ELL: variants seen among roughly 807,000 people sequenced by gnomAD.
The protein encoded by ELL is RNA polymerase II elongation factor ELL.
In ELL, 18 loss-of-function variants were observed where a neutral mutation model predicts 64.0. The ratio of observed to expected loss-of-function variants is 0.28; its 90% CI spans 0.19 to 0.42. The LOEUF (loss-of-function observed/expected upper bound fraction) is 0.42, where lower values mean the gene tolerates loss of function less well. ELL is among the 10% of genes least tolerant of loss of function. The pLI, the probability that ELL is intolerant of heterozygous loss-of-function variation, is 1.00. For synonymous variants in ELL, 399 were observed against 376.2 expected, an observed-to-expected ratio of 1.06 and a Z score of -0.70; for missense variants, 797 against 870.4, an observed-to-expected ratio of 0.92 and a Z score of 1.06.
Position 18,450,954 on chromosome 19 carries a change from A to T in ELL, c.988T>A (p.Phe330Ile). The T allele has an allele frequency of 1.3e-6, 2 of 1,526,408 alleles. No homozygotes were observed. Among genetic ancestry groups the T allele is most frequent in the Non-Finnish European group, 1.8e-6 (2 of 1,137,042 alleles). 94.6% of individuals were successfully genotyped at this position (1,526,408 alleles called of 1,614,324 possible). A position where few individuals can be genotyped will look rare whatever the true frequency, so the allele number is the denominator to read the frequency against. Residue 330 changes from phenylalanine to isoleucine, a missense_variant, in exon 8 of 12, where the codon TTC (phenylalanine) becomes ATC (isoleucine). Phe to Ile is a conservative substitution (Grantham distance 21). Transcript: ENST00000262809. ...TTCTTGTTGGCTAGGGGGTCGATGA[A>T]ATCAGGAGGCTGCAGCCGCTTCTGG... ...PPQKRLQPPD[F>I]IDPLANKKPR...
Position 18,465,810 on chromosome 19 carries a change from G to T in ELL, c.292C>A (p.Gln98Lys). 7.2e-7 allele frequency: 1 copy of T among 1,380,478 alleles called. No individual in the cohort carries two copies. The allele number at this position is 1,380,478 out of a possible 1,614,324, so 85.5% of individuals were successfully genotyped here. A position where few individuals can be genotyped will look rare whatever the true frequency, so the allele number is the denominator to read the frequency against. ...GCGGCGCCTCACCTGGAGACATACT[G>T]CTGGATGCAGTCGAAGCTGCCCTGG... is the stretch of plus-strand genomic sequence containing the variant. Reference protein sequence around the residue: ...NPQGSFDCIQQYVSSHGEVHL... With the variant: ...NPQGSFDCIQKYVSSHGEVHL... The change falls in exon 3 of 12, where the codon CAG becomes AAG. Residue 98 changes from glutamine to lysine, a missense_variant. By Grantham distance (53) the Gln-to-Lys change is moderately conservative. Transcript: ENST00000262809.
intron 1 of ELL, among the ~76,000 whole-genome samples, chr19:18,518,421 T>C (rs557224985): frequency 7.6e-4 from 114 of 150,770 alleles, no homozygotes; most frequent in African/African-American, 2.4e-3. Context: ...GGGTGGTAGT[T>C]CGAGGCTGCA....
chr19:18,473,485 A>T (rs1440011017), intron 1 of ELL, among the ~76,000 whole-genome samples: 1 of 152,228 alleles, frequency 6.6e-6, no homozygotes, highest in Non-Finnish European at 1.5e-5. Flanking sequence ...CTGGGGTGGG[A>T]GCCTGAGGCC....
At chr19:18,521,083 G>A (rs980966770) in intron 1 of ELL, among the ~76,000 whole-genome samples, 57 of 152,074 alleles carry the variant, frequency 3.7e-4, no homozygotes, top group African/African-American at 1.2e-3. Flanking sequence ...CCCCAGATGG[G>A]CCCAAATCGG....
At chr19:18,516,238 C>T (rs1165960997) in intron 1 of ELL, among the ~76,000 whole-genome samples, 2 of 152,176 alleles carry the variant, frequency 1.3e-5, no homozygotes, top group African/African-American at 4.8e-5. Context: ...AGCACAGCTC[C>T]AGGGCCACCC....
At chr19:18,483,934 C>A (rs1404942337) in intron 1 of ELL, among the ~76,000 whole-genome samples, 2 of 152,208 alleles carry the variant, frequency 1.3e-5, no homozygotes, top group Non-Finnish European at 2.9e-5. Context: ...CAACCCATGC[C>A]TGGCACAAGC....
chr19:18,445,079 G>A (rs988741893), intron 11 of ELL, 145 bp downstream of exon 11: 20 of 1,223,284 alleles, frequency 1.6e-5, no homozygotes, highest in South Asian at 2.6e-5. Context: ...TTAGCTGGGG[G>A]TGGTGGGGCA....
intron 6 of ELL, among the ~76,000 whole-genome samples, chr19:18,452,996 C>T (rs1400437195): frequency 2.0e-5 from 3 of 152,226 alleles, no homozygotes; most frequent in South Asian, 4.1e-4. Context: ...ACAGGCCGGG[C>T]GCCCATGGCT....
chr19:18,491,816 C>T (rs1975539506), intron 1 of ELL, among the ~76,000 whole-genome samples: 1 of 152,074 alleles, frequency 6.6e-6, no homozygotes, highest in African/African-American at 2.4e-5. Flanking sequence ...ATGCAGGAGA[C>T]TGAGGCAGGA....
Position 18,443,493 on chromosome 19 carries a change from C to T in ELL, c.*1259G>A, listed in dbSNP as rs527712546. On this transcript the variant is annotated 3_prime_UTR_variant, in exon 12 of 12. Transcript: ENST00000262809. ...GGCCCTGAGTCACAGCCGCCATCCA[C>T]CCCCCACCACCTTTCCAAGTCATGG... The T allele has an allele frequency of 4.8e-4, 112 of 232,946 alleles. No homozygotes were observed. Among genetic ancestry groups the T allele is most frequent in the Admixed American group, 9.6e-4 (17 of 17,780 alleles). 14.4% of individuals were successfully genotyped at this position (232,946 alleles called of 1,614,324 possible).
At chr19:18,510,905 T>C (rs1976006605) in intron 1 of ELL, among the ~76,000 whole-genome samples, 1 of 152,070 alleles carries the variant, frequency 6.6e-6, no homozygotes, top group African/African-American at 2.4e-5. Context: ...ACAGATAACC[T>C]GAGGTCAGGA....
chr19:18,451,361 C>A (rs1325853277), intron 7 of ELL, among the ~76,000 whole-genome samples, 191 bp downstream of exon 7: 1 of 152,234 alleles, frequency 6.6e-6, no homozygotes, highest in African/African-American at 2.4e-5. Flanking sequence ...GTGCTGCGGC[C>A]ACACTGGCAG....
intron 1 of ELL, among the ~76,000 whole-genome samples, chr19:18,521,655 C>G (rs1168872912): frequency 6.6e-6 from 1 of 151,836 alleles, no homozygotes; most frequent in Non-Finnish European, 1.5e-5. Context: ...GTGCCGACAC[C>G]GACGCCCCCC....
intron 6 of ELL, 125 bp downstream of exon 6, chr19:18,458,080 C>A: frequency 6.6e-7 from 1 of 1,520,308 alleles, no homozygotes. Flanking sequence ...TACTTGGACC[C>A]TTCCATCCTG....
intron 7 of ELL, 106 bp from the exon 8 acceptor site, chr19:18,451,081 C>A (rs912739178): frequency 1.7e-5 from 23 of 1,385,316 alleles, no homozygotes; most frequent in African/African-American, 2.9e-5. Flanking sequence ...GCAAGGCCCA[C>A]GCTGGCCACA....
At chr19:18,496,022 T>C (rs1256539698) in intron 1 of ELL, among the ~76,000 whole-genome samples, 1 of 152,162 alleles carries the variant, frequency 6.6e-6, no homozygotes, top group East Asian at 1.9e-4. Flanking sequence ...GGGAGGTTTA[T>C]ATGGGGACTG....
rs537418243 is a variant in ELL at position 18,474,692 on chromosome 19, G to A, written c.136-1810C>T. ...TGTGCTACTGCGACAAGGGGGGCTC[G>A]TCTAGAGCAGCTCAGGAAGGGCTAG... On this transcript the variant is annotated intron_variant, in intron 1 of 11. Coordinates refer to ENST00000262809, the MANE Select transcript of ELL (RefSeq NM_006532.4). Among the ~76,000 whole-genome samples the A allele has an allele frequency of 3.2e-3, 491 of 152,360 alleles. 4 individuals carry two copies. The highest frequency in any genetic ancestry group is 0.012 in the South Asian group (56 of 4,832).
intron 1 of ELL, among the ~76,000 whole-genome samples, chr19:18,521,696 C>A (rs906819675): frequency 6.6e-6 from 1 of 152,042 alleles, no homozygotes; most frequent in African/African-American, 2.4e-5. Context: ...GGCCCCTCAG[C>A]AGCCCCGGGC....
At chr19:18,503,573 G>A (rs1233008789) in intron 1 of ELL, among the ~76,000 whole-genome samples, 1 of 152,216 alleles carries the variant, frequency 6.6e-6, no homozygotes, top group East Asian at 1.9e-4. Flanking sequence ...CACCAAGTGA[G>A]CTGATGTGGC....
Sources: gnomAD v4.1 joint callset for allele counts (sites outside exome capture counted in the v4.1 genomes callset) on GRCh38, gnomAD v4.1.1 for gene constraint, MANE v1.5 for transcripts, NCBI Gene and HGNC (gene_info 2026-07-23, HGNC 2026-07-21) for gene names.